The following DPP6 variants were observed in gnomAD, a reference collection of about 807,000 sequenced individuals.
DPP6 encodes the protein dipeptidyl peptidase like 6, also known as A-type potassium channel modulatory protein DPP6.
DPP6 carries 69 observed loss-of-function variants against 122.6 expected under a neutral mutation model. The ratio of observed to expected loss-of-function variants is 0.56; its 90% CI spans 0.46 to 0.69. The LOEUF is 0.69. Ranked by LOEUF, DPP6 falls within the 30% of genes least tolerant of loss-of-function variation. The pLI is 0.00. For synonymous variants in DPP6, 418 were observed against 433.1 expected (o/e 0.97, Z 0.43); for missense variants, 928 against 1,116.9 (o/e 0.83, Z 2.41).
intron 1 of DPP6, among the ~76,000 whole-genome samples, chr7:154,020,208 A>G (rs1197082185): frequency 2.0e-5 from 3 of 151,962 alleles, no homozygotes; most frequent in South Asian, 4.2e-4. Context: ...TTCTGTGTCC[A>G]TGTGTTTTAA....
chr7:153,805,102 C>G, the DPP6 span, among the ~76,000 whole-genome samples: 1 of 151,922 alleles, frequency 6.6e-6, no homozygotes, highest in East Asian at 1.9e-4. Context: ...TGATATGTGG[C>G]AAAAATCATC....
intron 1 of DPP6, among the ~76,000 whole-genome samples, chr7:154,263,769 G>A (rs1433792586): frequency 6.6e-6 from 1 of 152,074 alleles, no homozygotes; most frequent in Admixed American, 6.6e-5. Flanking sequence ...CTCCCTGCAA[G>A]CTCTGCAACC....
rs148520588 is a variant in DPP6, at chr7:154,799,387, A to G, written c.1300-1968A>G. On this transcript the variant is annotated intron_variant, in intron 12 of 25. Transcript: ENST00000377770. ...GCAGGCAATCCCCCCTGCCACATAC[A>G]CACCCTGTCACTGCTGCGCTGACCC... is the stretch of plus-strand genomic sequence containing the variant. Among the ~76,000 whole-genome samples, 42 of 152,218 alleles carry G rather than the reference A, an allele frequency of 2.8e-4. 2 individuals carry two copies. In the East Asian group the frequency reaches 8.1e-3, roughly 29 times the overall value.
chr7:154,791,481 C>T (rs1797677001), intron 10 of DPP6, among the ~76,000 whole-genome samples: 1 of 152,074 alleles, frequency 6.6e-6, no homozygotes, highest in Non-Finnish European at 1.5e-5. Context: ...AGAACTTATT[C>T]CCTACCATGG....
At chr7:154,417,231 T>C (rs576548087) in intron 1 of DPP6, among the ~76,000 whole-genome samples, 2 of 152,220 alleles carry the variant, frequency 1.3e-5, no homozygotes, top group Non-Finnish European at 2.9e-5. Flanking sequence ...GGAAATTCCT[T>C]ATCTGGAATG....
rs1563055325 is a variant in DPP6 at position 153,964,852 on chromosome 7, T to TTTTCCTTTTCCC, written c.51+77123_51+77124insTTTTCCCTTTCC. On this transcript the variant is annotated intron_variant, in intron 1 of 25. Coordinates refer to the DPP6 transcript ENST00000404039. ...CTTTTCCTTTTCCTTTTCCTTTTCC[T>TTTTCCTTTTCCC]TTTCCCTTTCCTTTCCTTTCCTTTT... Among the ~76,000 whole-genome samples the TTTTCCTTTTCCC allele has an allele frequency of 8.4e-5, 11 of 130,978 alleles. 1 individual carries two copies. Among genetic ancestry groups the TTTTCCTTTTCCC allele is most frequent in the African/African-American group, 3.8e-4 (10 of 26,508 alleles). The allele number at this position is 130,978 out of a possible 152,430, so 85.9% of individuals were successfully genotyped here. A position where few individuals can be genotyped will look rare whatever the true frequency, so the allele number is the denominator to read the frequency against.
chr7:154,258,832 G>A (rs879789004), intron 1 of DPP6, among the ~76,000 whole-genome samples: 6 of 152,184 alleles, frequency 3.9e-5, no homozygotes, highest in Non-Finnish European at 7.3e-5. Flanking sequence ...ATTTAAATAT[G>A]TTGTCAGTGA....
chr7:154,029,235 A>T (rs1366299394), intron 1 of DPP6, among the ~76,000 whole-genome samples: 1 of 150,144 alleles, frequency 6.7e-6, no homozygotes, highest in African/African-American at 2.5e-5. Flanking sequence ...GTCTTATGTC[A>T]GCTGGGCACA....
At chr7:153,848,827 T>C in the DPP6 span, among the ~76,000 whole-genome samples, 1 of 152,224 alleles carries the variant, frequency 6.6e-6, no homozygotes, top group African/African-American at 2.4e-5. Flanking sequence ...TGCATTCTAC[T>C]GGGTTACTAC....
intron 6 of DPP6, among the ~76,000 whole-genome samples, chr7:154,659,428 G>A (rs770227100): frequency 6.6e-6 from 1 of 152,156 alleles, no homozygotes; most frequent in Non-Finnish European, 1.5e-5. Flanking sequence ...ACATATATAC[G>A]TTGTGTGTAT....
the DPP6 span, among the ~76,000 whole-genome samples, chr7:153,802,734 G>A: frequency 1.3e-5 from 2 of 152,200 alleles, no homozygotes; most frequent in African/African-American, 4.8e-5. Context: ...TTTGAAGTTT[G>A]AAACTTGTGT....
At chr7:154,049,243 C>A (rs1331756609), upstream of DPP6, among the ~76,000 whole-genome samples, 12 of 140,726 alleles carry the variant, frequency 8.5e-5, no homozygotes, top group Admixed American at 8.5e-4. Flanking sequence ...CGAACCACTA[C>A]ACCTATTTTG....
chr7:153,840,977 A>G, the DPP6 span, among the ~76,000 whole-genome samples: 1 of 152,202 alleles, frequency 6.6e-6, no homozygotes, highest in Admixed American at 6.5e-5. Context: ...TCATTTGTGA[A>G]ATGAGCCCCA....
chr7:154,870,410 G>A (rs1161620094), intron 18 of DPP6, among the ~76,000 whole-genome samples: 1 of 151,680 alleles, frequency 6.6e-6, no homozygotes, highest in Non-Finnish European at 1.5e-5. Flanking sequence ...TTCAAGACAA[G>A]CCTGGCCAAC....
intron 8 of DPP6, among the ~76,000 whole-genome samples, chr7:154,738,796 C>G (rs1842686508): frequency 1.3e-5 from 2 of 152,244 alleles, no homozygotes; most frequent in Admixed American, 1.3e-4. Context: ...GCATTCCCTT[C>G]CATAAACTTC....
At chr7:154,648,595 G>A (rs1224376473) in intron 6 of DPP6, among the ~76,000 whole-genome samples, 1 of 152,128 alleles carries the variant, frequency 6.6e-6, no homozygotes, top group African/African-American at 2.4e-5. Flanking sequence ...GTGATTTCAA[G>A]TTTATTGTGG....
intron 1 of DPP6, among the ~76,000 whole-genome samples, chr7:154,167,945 G>A (rs563570755): frequency 6.6e-6 from 1 of 152,254 alleles, no homozygotes; most frequent in African/African-American, 2.4e-5. Context: ...TCTCGCACCT[G>A]TCAGGCAACT....
chr7:153,949,134 C>T (rs950556267), intron 1 of DPP6, among the ~76,000 whole-genome samples: 4 of 152,206 alleles, frequency 2.6e-5, no homozygotes, highest in Non-Finnish European at 5.9e-5. Context: ...CCCGGAGCAT[C>T]GGCATGAGCC....
intron 5 of DPP6, among the ~76,000 whole-genome samples, chr7:154,575,632 GGTGT>G (rs1159537176): frequency 8.4e-6 from 1 of 118,906 alleles, no homozygotes; most frequent in Non-Finnish European, 1.7e-5. Flanking sequence ...GTGTGTGTGT[GGTGT>G]GTGTGGTGTG....
Sources: allele counts gnomAD v4.1 joint callset (sites outside exome capture counted in the v4.1 genomes callset), GRCh38; gene constraint gnomAD v4.1.1; transcripts MANE v1.5; gene names NCBI Gene and HGNC (gene_info 2026-07-23, HGNC 2026-07-21).